The following CD99L2 variants were observed in gnomAD, a reference collection of about 807,000 sequenced individuals.
CD99L2 encodes the protein CD99 molecule like 2, also known as CD99 antigen-like protein 2.
Under a neutral mutation model 27.3 loss-of-function variants are expected in CD99L2, and 24 were observed. The observed-to-expected ratio is 0.88, with a 90% CI of 0.64 to 1.24. CD99L2 has a LOEUF of 1.24. Ranked by LOEUF, CD99L2 falls within the 50% of genes most tolerant of loss-of-function variation. The pLI is 0.00. For missense variants in CD99L2, 255 were observed against 221.6 expected (o/e 1.15, Z -0.96); for synonymous variants, 97 against 87.9 (o/e 1.10, Z -0.58).
At chrX:150,812,330 A>C (rs782477909) in intron 4 of CD99L2, among the ~76,000 whole-genome samples, 5 of 112,384 alleles carry the variant, frequency 4.4e-5, no homozygotes, top group Non-Finnish European at 5.6e-5. Context: ...AATGTCTACA[A>C]TATTTAAGGA....
chrX:150,769,667 GTCTCCCTGCCTGCGCCACCAGGCCTC>G (rs1461621518), intron 10 of CD99L2, among the ~76,000 whole-genome samples: 1 of 107,297 alleles, frequency 9.3e-6, no homozygotes, highest in East Asian at 2.9e-4. Context: ...AGCTGTCCTA[GTCTCCCTGCCTGCGCCACCAGGCCTC>G]GGCTGCTCCC....
chrX:150,897,720 C>T (rs1197481066), intron 1 of CD99L2, among the ~76,000 whole-genome samples: 4 of 111,599 alleles, frequency 3.6e-5, no homozygotes, highest in African/African-American at 1.3e-4. Flanking sequence ...TGTTTAAGAC[C>T]CTATTTTTAA....
chrX:150,806,397 AG>A (rs1479556502), intron 4 of CD99L2, among the ~76,000 whole-genome samples: 7 of 111,644 alleles, frequency 6.3e-5, no homozygotes, highest in South Asian at 3.8e-4. Context: ...CTGGGACTAC[AG>A]GCATGCACCA....
At chrX:150,801,927 A>T (rs2045913957) in intron 4 of CD99L2, among the ~76,000 whole-genome samples, 1 of 112,141 alleles carries the variant, frequency 8.9e-6, no homozygotes, top group Non-Finnish European at 1.9e-5. Context: ...AACATCTAGA[A>T]AACACCTATA....
In CD99L2 at chrX:150,886,140, G is replaced by A. The variant is rs781799743; in HGVS notation, c.67+12382C>T. Among the ~76,000 whole-genome samples, 4 of 112,278 alleles carry A rather than the reference G, an allele frequency of 3.6e-5. No individual in the cohort carries two copies. In the South Asian group the frequency reaches 1.5e-3, roughly 42 times the overall value. On this transcript the variant is annotated intron_variant, in intron 1 of 10. Transcript: ENST00000370377. ...GATACCAATGCACAAGACTGGCTGA[G>A]ACCTGACTTATTCCAACATGTCTGT...
intron 4 of CD99L2, among the ~76,000 whole-genome samples, chrX:150,812,745 A>G (rs1004104266): frequency 3.6e-5 from 4 of 112,382 alleles, no homozygotes; most frequent in African/African-American, 1.3e-4. Context: ...AATACTATAC[A>G]TGACAGTTTA....
intron 2 of CD99L2, among the ~76,000 whole-genome samples, chrX:150,824,530 GAAGA>G (rs2046327306): frequency 1.0e-5 from 1 of 96,001 alleles, no homozygotes; most frequent in African/African-American, 3.8e-5. Context: ...GAAGAAAGAA[GAAGA>G]AAGAAGGAAG....
intron 1 of CD99L2, among the ~76,000 whole-genome samples, chrX:150,871,581 C>G (rs188886420): frequency 1.8e-5 from 2 of 112,092 alleles, no homozygotes; most frequent in African/African-American, 6.5e-5. Context: ...CTAACTGTTT[C>G]TTAGAAAAAG....
intron 7 of CD99L2, among the ~76,000 whole-genome samples, chrX:150,781,025 T>C (rs1368454777): frequency 8.9e-6 from 1 of 112,389 alleles, no homozygotes; most frequent in Non-Finnish European, 1.9e-5. Context: ...TGGGAAGTTA[T>C]CTGACTAGGG....
intron 2 of CD99L2, among the ~76,000 whole-genome samples, chrX:150,824,662 A>AAGAAGAAGAAGAAGAAGAAGAG (rs2046339498): frequency 1.6e-5 from 1 of 64,277 alleles, no homozygotes; most frequent in East Asian, 4.2e-4. Context: ...AAGAAGAAGA[A>AAGAAGAAGAAGAAGAAGAAGAG]GAAGAGGAAG....
chrX:150,889,383 TCA>T (rs2047464573), intron 1 of CD99L2, among the ~76,000 whole-genome samples: 1 of 111,387 alleles, frequency 9.0e-6, no homozygotes, highest in African/African-American at 3.3e-5. Flanking sequence ...CATTCACATC[TCA>T]GTTTTTTTTC....
intron 4 of CD99L2, among the ~76,000 whole-genome samples, chrX:150,808,694 G>C (rs782447844): frequency 8.9e-6 from 1 of 111,934 alleles, no homozygotes; most frequent in Non-Finnish European, 1.9e-5. Flanking sequence ...AGATGTCTTT[G>C]ACGGGACTCT....
chrX:150,770,999 G>C, intron 9 of CD99L2, among the ~76,000 whole-genome samples: 1 of 112,567 alleles, frequency 8.9e-6, no homozygotes, highest in Non-Finnish European at 1.9e-5. Context: ...TTACAAGAGG[G>C]ATTCGGGGAC....
At chrX:150,773,749 C>T (rs1416174122) in intron 9 of CD99L2, among the ~76,000 whole-genome samples, 3 of 112,407 alleles carry the variant, frequency 2.7e-5, no homozygotes, top group African/African-American at 6.5e-5. Context: ...AAGGAACATC[C>T]GGAGTCCCCT....
chrX:150,812,863 A>G (rs1557420383), intron 4 of CD99L2, among the ~76,000 whole-genome samples: 2 of 112,506 alleles, frequency 1.8e-5, no homozygotes, highest in Non-Finnish European at 3.8e-5. Context: ...ATGAATGAGC[A>G]ATTAATACAC....
chrX:150,862,186 A>G (rs1002232626), intron 1 of CD99L2, among the ~76,000 whole-genome samples: 2 of 112,271 alleles, frequency 1.8e-5, no homozygotes, highest in Non-Finnish European at 3.8e-5. Context: ...CAAAGGTAAT[A>G]GCATCCAATA....
At chrX:150,804,760 A>G (rs782095082) in intron 4 of CD99L2, among the ~76,000 whole-genome samples, 17 of 112,587 alleles carry the variant, frequency 1.5e-4, no homozygotes, top group Admixed American at 8.4e-4. Context: ...GGATATCACT[A>G]ATGACTTAAT....
intron 1 of CD99L2, among the ~76,000 whole-genome samples, chrX:150,852,856 A>G (rs1376410931): frequency 8.9e-6 from 1 of 112,146 alleles, no homozygotes; most frequent in Non-Finnish European, 1.9e-5. Flanking sequence ...TCCATTCATC[A>G]GTTGATGGTC....
chrX:150,790,181 T>C (rs2045665089), intron 7 of CD99L2, among the ~76,000 whole-genome samples: 1 of 109,861 alleles, frequency 9.1e-6, no homozygotes, highest in African/African-American at 3.3e-5. Context: ...GTTGCGCTAA[T>C]AGAAACTAGA....
Sources: allele counts gnomAD v4.1 joint callset (sites outside exome capture counted in the v4.1 genomes callset), GRCh38; gene constraint gnomAD v4.1.1; transcripts MANE v1.5; gene names NCBI Gene and HGNC (gene_info 2026-07-23, HGNC 2026-07-21).